Variants in LRRTM4 observed in about 807,000 individuals in gnomAD.
LRRTM4 encodes leucine-rich repeat transmembrane neuronal protein 4.
LRRTM4 carries 25 observed loss-of-function variants against 47.6 expected under a neutral mutation model. The ratio of observed to expected loss-of-function variants is 0.53; its 90% confidence interval spans 0.38 to 0.73. LRRTM4 has a LOEUF of 0.73. LRRTM4 is among the 30% of genes least tolerant of loss of function. LRRTM4 has a pLI of 0.00. For missense variants in LRRTM4, 638 were observed against 713.4 expected (o/e 0.89, Z 1.20); for synonymous variants, 311 against 269.5 (o/e 1.15, Z -1.51).
At chr2:76,936,205 T>C (rs1234600152) in intron 3 of LRRTM4, among the ~76,000 whole-genome samples, 4 of 152,094 alleles carry the variant, frequency 2.6e-5, no homozygotes, top group Non-Finnish European at 4.4e-5. Flanking sequence ...CCATCAATGA[T>C]AGACTGGATA....
chr2:76,896,454 A>T (rs1573273637), intron 3 of LRRTM4, among the ~76,000 whole-genome samples: 1 of 152,004 alleles, frequency 6.6e-6, no homozygotes, highest in Non-Finnish European at 1.5e-5. Context: ...ATTTTGTCCT[A>T]TTCTATGAAA....
chr2:77,427,771 A>G (rs1330041626), intron 3 of LRRTM4, among the ~76,000 whole-genome samples: 1 of 152,236 alleles, frequency 6.6e-6, no homozygotes. Flanking sequence ...TCCACTGAAG[A>G]GTTAAAATTC....
intron 3 of LRRTM4, among the ~76,000 whole-genome samples, chr2:77,430,255 C>T (rs566371607): frequency 6.6e-6 from 1 of 152,236 alleles, no homozygotes; most frequent in African/African-American, 2.4e-5. Context: ...ATGTTGTACA[C>T]AATAAATACA....
At chr2:77,503,858 C>G (rs770355258) in intron 3 of LRRTM4, among the ~76,000 whole-genome samples, 66 of 151,538 alleles carry the variant, frequency 4.4e-4, no homozygotes, top group Non-Finnish European at 7.2e-4. Context: ...CAAAGTAAAG[C>G]AAAGAATTTT....
intron 3 of LRRTM4, among the ~76,000 whole-genome samples, chr2:77,011,707 A>G (rs757373323): frequency 6.6e-6 from 1 of 152,222 alleles, no homozygotes; most frequent in East Asian, 1.9e-4. Flanking sequence ...GCATTCATCC[A>G]TGTGGTTGAG....
At chr2:77,203,764 T>C (rs183166099) in intron 3 of LRRTM4, among the ~76,000 whole-genome samples, 1 of 152,322 alleles carries the variant, frequency 6.6e-6, no homozygotes. Context: ...GTACAGCCAG[T>C]GCATGGTAAC....
intron 3 of LRRTM4, among the ~76,000 whole-genome samples, chr2:76,835,037 A>G (rs1439297707): frequency 1.3e-5 from 2 of 152,174 alleles, no homozygotes; most frequent in East Asian, 3.9e-4. Flanking sequence ...TAAGGAAGAC[A>G]TAAGACCAAT....
chr2:76,855,958 ACAGT>A (rs369176388), intron 3 of LRRTM4, among the ~76,000 whole-genome samples: 6 of 152,168 alleles, frequency 3.9e-5, no homozygotes, highest in Non-Finnish European at 8.8e-5. Context: ...AAATAAACTG[ACAGT>A]CAGTCACTCT....
At chr2:77,452,778 G>A (rs934114804) in intron 3 of LRRTM4, among the ~76,000 whole-genome samples, 2 of 152,068 alleles carry the variant, frequency 1.3e-5, no homozygotes, top group African/African-American at 2.4e-5. Context: ...TTTTGACGAT[G>A]GGTCAACAAT....
intron 3 of LRRTM4, among the ~76,000 whole-genome samples, chr2:77,478,588 C>T (rs191887365): frequency 9.6e-4 from 146 of 152,270 alleles, no homozygotes; most frequent in Non-Finnish European, 9.9e-4. Context: ...CCACAAGCTC[C>T]TGTTGGTTGA....
intron 3 of LRRTM4, among the ~76,000 whole-genome samples, chr2:76,821,353 A>G (rs1164757148): frequency 2.6e-5 from 4 of 151,736 alleles, no homozygotes; most frequent in African/African-American, 7.2e-5. Context: ...TCCAGTTGGA[A>G]TTAAAATAGA....
chr2:77,237,836 C>G (rs1056352414), intron 3 of LRRTM4, among the ~76,000 whole-genome samples: 2 of 152,112 alleles, frequency 1.3e-5, no homozygotes, highest in Admixed American at 1.3e-4. Context: ...CCTGTTGCCT[C>G]AGGGCACAAG....
intron 3 of LRRTM4, among the ~76,000 whole-genome samples, chr2:77,355,348 T>A (rs1671929554): frequency 6.6e-6 from 1 of 152,120 alleles, no homozygotes; most frequent in African/African-American, 2.4e-5. Context: ...GAGAGTAAAT[T>A]TCCAGTAGTT....
At chr2:76,750,829 A>G (rs1190336401) in intron 3 of LRRTM4, among the ~76,000 whole-genome samples, 1 of 152,184 alleles carries the variant, frequency 6.6e-6, no homozygotes, top group Non-Finnish European at 1.5e-5. Flanking sequence ...TTATGTTTTT[A>G]ACACCTCTCT....
At chr2:77,018,309 G>A (rs2104093582) in intron 3 of LRRTM4, among the ~76,000 whole-genome samples, 1 of 130,160 alleles carries the variant, frequency 7.7e-6, no homozygotes, top group South Asian at 2.5e-4. Flanking sequence ...GTGAGCTGGT[G>A]AAAAGAGAAC....
chr2:77,189,774 C>T (rs1364798774), intron 3 of LRRTM4, among the ~76,000 whole-genome samples: 6 of 151,968 alleles, frequency 3.9e-5, no homozygotes, highest in Admixed American at 1.3e-4. Context: ...TACATATACA[C>T]ACACACACAC....
At chr2:77,264,303 C>CGA (rs1675994440) in intron 3 of LRRTM4, among the ~76,000 whole-genome samples, 2 of 145,048 alleles carry the variant, frequency 1.4e-5, no homozygotes, top group African/African-American at 2.8e-5. Context: ...ACTAAGAAAG[C>CGA]GAGAGAGAGG....
intron 3 of LRRTM4, among the ~76,000 whole-genome samples, chr2:77,325,324 G>A (rs929790122): frequency 6.6e-6 from 1 of 152,118 alleles, no homozygotes; most frequent in Admixed American, 6.6e-5. Context: ...TTTTATCAAA[G>A]CAACTTTTAC....
At chr2:77,203,668 G>A (rs548785140) in intron 3 of LRRTM4, among the ~76,000 whole-genome samples, 7 of 152,290 alleles carry the variant, frequency 4.6e-5, no homozygotes, top group Non-Finnish European at 8.8e-5. Flanking sequence ...AAGCCTTTAA[G>A]CTCTGGAGAG....
Sources: gnomAD v4.1 joint callset for allele counts (sites outside exome capture counted in the v4.1 genomes callset) on GRCh38, gnomAD v4.1.1 for gene constraint, MANE v1.5 for transcripts, NCBI Gene and HGNC (gene_info 2026-07-23, HGNC 2026-07-21) for gene names.